FRMD3: variants seen among roughly 807,000 people sequenced by gnomAD.
FRMD3 encodes the protein FERM domain-containing protein 3.
FRMD3 carries 33 observed loss-of-function variants against 70.2 expected under a neutral mutation model. That is an observed-to-expected ratio of 0.47 (90% CI 0.36 to 0.63). The LOEUF (loss-of-function observed/expected upper bound fraction) is 0.63, where lower values mean the gene tolerates loss of function less well. FRMD3 is among the 20% of genes least tolerant of loss of function. The probability of loss-of-function intolerance (pLI) is 0.00; values close to 1 mark genes in which losing one functional copy is unlikely to be tolerated. For synonymous variants in FRMD3, 279 were observed against 255.9 expected, an observed-to-expected ratio of 1.09 and a Z score of -0.86; for missense variants, 632 against 711.4, an observed-to-expected ratio of 0.89 and a Z score of 1.27.
intron 1 of FRMD3, among the ~76,000 whole-genome samples, chr9:83,466,411 G>C (rs1354413764): frequency 6.6e-6 from 1 of 152,188 alleles, no homozygotes; most frequent in Non-Finnish European, 1.5e-5. Context: ...TAAACAGAAA[G>C]GCTAGAAAGC....
intron 1 of FRMD3, among the ~76,000 whole-genome samples, chr9:83,492,656 A>G (rs574947407): frequency 6.6e-6 from 1 of 152,256 alleles, no homozygotes; most frequent in South Asian, 2.1e-4. Flanking sequence ...AACTCTCAGC[A>G]TTAATGCAGT....
chr9:83,374,912 T>C (rs1358735563), intron 2 of FRMD3, among the ~76,000 whole-genome samples: 2 of 152,202 alleles, frequency 1.3e-5, no homozygotes, highest in African/African-American at 4.8e-5. Flanking sequence ...CAGCAAAATA[T>C]CAATACTTAC....
Position 83,537,987 on chromosome 9 carries a change from C to T in FRMD3, c.147+98G>A. Reference sequence around the variant, plus strand: ...GGCTTTCTAGCAGTCCCCCAATCCCCTCCGGGAGTGGGTTCCTTGTTCTCG... The same window carrying T: ...GGCTTTCTAGCAGTCCCCCAATCCCTTCCGGGAGTGGGTTCCTTGTTCTCG... On this transcript the variant is annotated intron_variant, in intron 1 of 13. Coordinates refer to ENST00000304195, the MANE Select transcript of FRMD3 (RefSeq NM_174938.6). The surrounding 1 kb of genome is among the most constrained non-coding windows in gnomAD (Gnocchi z 4.1). 1 of 1,377,746 alleles carries T rather than the reference C, an allele frequency of 7.3e-7. No homozygotes were observed. The highest frequency in any genetic ancestry group is 2.4e-5 in the East Asian group (1 of 42,372). 85.3% of individuals were successfully genotyped at this position (1,377,746 alleles called of 1,614,324 possible).
intron 1 of FRMD3, among the ~76,000 whole-genome samples, chr9:83,532,321 T>C (rs781568695): frequency 1.7e-4 from 26 of 152,144 alleles, no homozygotes; most frequent in Non-Finnish European, 8.8e-5. Context: ...AAGCATAAAG[T>C]TTGTCTGCTA....
At chr9:83,489,015 T>TGTGTGTGTGTGC (rs539396863) in intron 1 of FRMD3, among the ~76,000 whole-genome samples, 1,958 of 131,512 alleles carry the variant, frequency 0.015, 26 homozygotes, top group Non-Finnish European at 0.022. Flanking sequence ...TGTGTGTGTG[T>TGTGTGTGTGTGC]GCTTGTGTGT....
intron 1 of FRMD3, among the ~76,000 whole-genome samples, chr9:83,422,154 G>T (rs543810997): frequency 6.6e-6 from 1 of 152,322 alleles, no homozygotes; most frequent in East Asian, 1.9e-4. Context: ...GATCCTGGGA[G>T]GCAGAGGCTG....
chr9:83,320,765 A>G (rs980953607), intron 6 of FRMD3, among the ~76,000 whole-genome samples: 1 of 152,120 alleles, frequency 6.6e-6, no homozygotes, highest in Non-Finnish European at 1.5e-5. Context: ...TCTTCTTTGC[A>G]TGTTCTCTAG....
At chr9:83,505,300 T>C (rs942821713) in intron 1 of FRMD3, among the ~76,000 whole-genome samples, 1 of 152,190 alleles carries the variant, frequency 6.6e-6, no homozygotes, top group African/African-American at 2.4e-5. Flanking sequence ...TTCTCTCTTA[T>C]TTTTGCCAGC....
At chr9:83,515,776 A>T (rs1829441649) in intron 1 of FRMD3, among the ~76,000 whole-genome samples, 1 of 152,232 alleles carries the variant, frequency 6.6e-6, no homozygotes, top group Admixed American at 6.5e-5. Context: ...ATTTCTTGGC[A>T]GAAACCCCAC....
intron 1 of FRMD3, among the ~76,000 whole-genome samples, chr9:83,484,977 A>T (rs1828654397): frequency 6.6e-6 from 1 of 152,240 alleles, no homozygotes; most frequent in South Asian, 2.1e-4. Context: ...AAACATGTCA[A>T]TGCCTTAGCT....
chr9:83,538,424 G>T, upstream of FRMD3: 1 of 396,164 alleles, frequency 2.5e-6, no homozygotes, highest in Non-Finnish European at 4.3e-6. The surrounding 1 kb of genome is among the most constrained non-coding windows in gnomAD (Gnocchi z 4.7). Flanking sequence ...CCCTCTGTTC[G>T]CTCGCCTCCG....
At chr9:83,493,153 A>G (rs1243621686) in intron 1 of FRMD3, among the ~76,000 whole-genome samples, 2 of 151,948 alleles carry the variant, frequency 1.3e-5, no homozygotes, top group Non-Finnish European at 2.9e-5. Flanking sequence ...CCTTCTTTCC[A>G]TCATCTCCTT....
chr9:83,441,653 A>T (rs1827299073), intron 1 of FRMD3, among the ~76,000 whole-genome samples: 1 of 152,214 alleles, frequency 6.6e-6, no homozygotes, highest in African/African-American at 2.4e-5. Flanking sequence ...TTCCTAATCT[A>T]GTGGAAAAAA....
chr9:83,460,082 T>C (rs1005420703), intron 1 of FRMD3, among the ~76,000 whole-genome samples: 1 of 152,196 alleles, frequency 6.6e-6, no homozygotes, highest in Non-Finnish European at 1.5e-5. Context: ...GAGTTATGAC[T>C]CAACATATCA....
chr9:83,585,293 A>C, the FRMD3 span, among the ~76,000 whole-genome samples: 1 of 152,244 alleles, frequency 6.6e-6, no homozygotes, highest in South Asian at 2.1e-4. Context: ...AGCCAGGACC[A>C]AAGGCTTAAG....
At chr9:83,343,038 T>G (rs1587746461) in intron 5 of FRMD3, 152 bp downstream of exon 5, 36 of 628,930 alleles carry the variant, frequency 5.7e-5, no homozygotes, top group East Asian at 1.9e-4. Context: ...GAAGGGAAGG[T>G]GAGTTGGGGT....
Position 83,247,807 on chromosome 9 carries a change from T to C in FRMD3, c.*111A>G, listed in dbSNP as rs1039149450. ...ACTTAAAGGTTTGAATAATCAATTA[T>C]GAGTAAGGAACACCTGTTGACAGCC... On this transcript the variant is annotated 3_prime_UTR_variant, in exon 14 of 14. Transcript: ENST00000304195. The C allele has an allele frequency of 6.4e-5, 97 of 1,504,498 alleles. No individual in the cohort carries two copies. Among genetic ancestry groups the C allele is most frequent in the Admixed American group, 1.6e-4 (7 of 43,628 alleles). The allele number at this position is 1,504,498 out of a possible 1,614,324, so 93.2% of individuals were successfully genotyped here. A position where few individuals can be genotyped will look rare whatever the true frequency, so the allele number is the denominator to read the frequency against.
At chr9:83,437,283 T>C (rs1827163461) in intron 1 of FRMD3, among the ~76,000 whole-genome samples, 2 of 152,248 alleles carry the variant, frequency 1.3e-5, no homozygotes, top group Non-Finnish European at 2.9e-5. Context: ...TATGGTTTTA[T>C]CACCTTATGT....
chr9:83,351,105 C>T (rs888631339), intron 3 of FRMD3: 10 of 360,998 alleles, frequency 2.8e-5, no homozygotes, highest in East Asian at 1.7e-4. Context: ...TTTCAAGATA[C>T]GCAGGGGTTA....
Sources: allele counts gnomAD v4.1 joint callset (sites outside exome capture counted in the v4.1 genomes callset), GRCh38; gene constraint gnomAD v4.1.1; non-coding constraint Gnocchi (gnomAD v3.1); transcripts MANE v1.5; gene names NCBI Gene and HGNC (gene_info 2026-07-23, HGNC 2026-07-21).